VGF: variants seen among roughly 807,000 people sequenced by gnomAD.
VGF encodes VGF nerve growth factor inducible.
VGF carries 13 observed loss-of-function variants against 41.1 expected under a neutral mutation model. The observed-to-expected ratio is 0.32, with a 90% CI of 0.21 to 0.50. The LOEUF is 0.50. VGF is among the 20% of genes least tolerant of loss of function. VGF has a pLI of 0.98. For synonymous variants in VGF, 473 were observed against 418.3 expected (o/e 1.13, Z -1.60); for missense variants, 920 against 882.1 (o/e 1.04, Z -0.54).
At position 101,162,676 on chromosome 7, in the gene VGF, T is replaced by G; in HGVS notation, c.*320A>C. 2 of 474,734 alleles carry G rather than the reference T, an allele frequency of 4.2e-6. No individual in the cohort carries two copies. The highest frequency in any genetic ancestry group is 8.1e-6 in the Non-Finnish European group (2 of 247,050). 29.4% of individuals were successfully genotyped at this position (474,734 alleles called of 1,614,324 possible). On this transcript the variant is annotated 3_prime_UTR_variant, in exon 2 of 2. Coordinates refer to ENST00000249330, the MANE Select transcript of VGF (RefSeq NM_003378.4). The surrounding 1 kb of genome is among the most constrained non-coding windows in gnomAD (Gnocchi z 4.2). The stretch of plus-strand genomic sequence containing the variant: ...GACAGACACACTTCACACAATTAAC[T>G]GGAACTGCTTTTTCCGGTTTCCGAC...
In VGF at chr7:101,163,433, T is replaced by G. The variant is rs761601748; in HGVS notation, c.1411A>C (p.Ser471Arg). The change falls in exon 2 of 2, where the codon AGC (serine) becomes CGC (arginine). Residue 471 changes from serine (S) to arginine (R), a missense_variant. Physicochemically the swap from Ser to Arg is moderately radical, Grantham distance 110. Transcript: ENST00000249330. The surrounding 1 kb of genome is among the most constrained non-coding windows in gnomAD (Gnocchi z 5.0). ...TTCTCCTCCACCTCCTCGATGATGC[T>G]GACCACGTCGTCCGCTGGCAGGTGG... The part of the protein sequence containing the change: ...KLHLPADDVV[S>R]IIEEVEEKRK... 1.9e-6 allele frequency: 3 copies of G among 1,611,890 alleles called. No individual in the cohort carries two copies. Among genetic ancestry groups the G allele is most frequent in the South Asian group, 2.2e-5 (2 of 91,070 alleles).
At chr7:101,167,062 T>A (rs1712849944), upstream of VGF, among the ~76,000 whole-genome samples, 1 of 152,198 alleles carries the variant, frequency 6.6e-6, no homozygotes, top group South Asian at 2.1e-4. This position sits in a 1 kb window ranked among gnomAD's most constrained non-coding sequence, Gnocchi z 4.2. Context: ...TAGAGACTCT[T>A]TCAGAAACGG....
At chr7:101,168,019 G>GTTTT (rs1554368356), upstream of VGF, among the ~76,000 whole-genome samples, 34 of 121,394 alleles carry the variant, frequency 2.8e-4, no homozygotes, top group African/African-American at 1.0e-3. Flanking sequence ...GTTTTTTTTT[G>GTTTT]TTTTTTTTTT....
chr7:101,164,247 G>A lies in VGF; in HGVS notation c.597C>T (p.Ser199=), dbSNP rs1797175226. ...CGCGCCATACGCGCTCTGGCCCCGGGCTCTCCAGATTCACTCGGGTCAGCG... is the reference window on the plus strand; with the variant it reads ...CGCGCCATACGCGCTCTGGCCCCGGACTCTCCAGATTCACTCGGGTCAGCG... The part of the protein sequence containing the change: ...THTLTRVNLE[S]PGPERVWRAS... Residue 199 remains serine (S), a synonymous_variant, in exon 2 of 2, where the codon AGC becomes AGT. Transcript: ENST00000249330. 6.3e-7 allele frequency: 1 copy of A among 1,590,882 alleles called. No individual in the cohort carries two copies. Among genetic ancestry groups the A allele is most frequent in the African/African-American group, 1.3e-5 (1 of 74,672 alleles).
In VGF at chr7:101,163,922, G is replaced by A. The variant is rs200560795; in HGVS notation, c.922C>T (p.Arg308Trp). The A allele has an allele frequency of 1.4e-6, 2 of 1,459,982 alleles. No homozygotes were observed. Among genetic ancestry groups the A allele is most frequent in the Non-Finnish European group, 8.9e-7 (1 of 1,117,814 alleles). The allele number at this position is 1,459,982 out of a possible 1,614,324, so 90.4% of individuals were successfully genotyped here. A position where few individuals can be genotyped will look rare whatever the true frequency, so the allele number is the denominator to read the frequency against. ...QQGLAQVEAG[R>W]RQAEATRQAA... ...TGCCGCGTGGCCTCCGCCTGCCGCC[G>A]CCCGGCCTCCACCTGCGCCAGCCCT... The change falls in exon 2 of 2, where the codon CGG (arginine) becomes TGG (tryptophan). Residue 308 changes from arginine (R) to tryptophan (W), a missense_variant. Arg to Trp is a moderately radical substitution (Grantham distance 101, BLOSUM62 -3). Coordinates refer to ENST00000249330, the MANE Select transcript of VGF (RefSeq NM_003378.4). This position sits in a 1 kb window ranked among gnomAD's most constrained non-coding sequence, Gnocchi z 5.0.
upstream of VGF, among the ~76,000 whole-genome samples, chr7:101,167,653 C>T (rs1342234279): frequency 6.6e-6 from 1 of 152,146 alleles, no homozygotes; most frequent in East Asian, 1.9e-4. The surrounding 1 kb of genome is among the most constrained non-coding windows in gnomAD (Gnocchi z 4.2). Context: ...AGGGGGCTGA[C>T]TGAGTGGCTG....
chr7:101,167,655 G>GA (rs998356848), upstream of VGF, among the ~76,000 whole-genome samples: 4 of 152,202 alleles, frequency 2.6e-5, no homozygotes, highest in Admixed American at 6.5e-5. This position sits in a 1 kb window ranked among gnomAD's most constrained non-coding sequence, Gnocchi z 4.2. Context: ...GGGGCTGACT[G>GA]AGTGGCTGAT....
At position 101,165,371 on chromosome 7, in the gene VGF, T is replaced by C; in HGVS notation, c.-21+3A>G. On this transcript the variant is annotated splice_donor_region_variant and intron_variant, in intron 1 of 1. Coordinates refer to ENST00000249330, the MANE Select transcript of VGF (RefSeq NM_003378.4). ...TTTGAGGGACGAACAGCGGAGTATT[T>C]ACCAGCTGGTGTCACGACGCGAGAG... 1.0e-6 allele frequency: 1 copy of C among 985,358 alleles called. No individual in the cohort carries two copies. Among genetic ancestry groups the C allele is most frequent in the Non-Finnish European group, 1.2e-6 (1 of 829,954 alleles). The allele number at this position is 985,358 out of a possible 1,614,324, so 61.0% of individuals were successfully genotyped here. A position where few individuals can be genotyped will look rare whatever the true frequency, so the allele number is the denominator to read the frequency against.
At position 101,162,945 on chromosome 7, in the gene VGF, CCGGCGCGCGCGCGCGGCGG is replaced by C. The variant is rs768837064; in HGVS notation, c.*32_*50del. The C allele has an allele frequency of 1.7e-5, 16 of 927,612 alleles. No individual in the cohort carries two copies. Among genetic ancestry groups the C allele is most frequent in the African/African-American group, 7.1e-5 (4 of 56,560 alleles). 57.5% of individuals were successfully genotyped at this position (927,612 alleles called of 1,614,324 possible). On this transcript the variant is annotated 3_prime_UTR_variant, in exon 2 of 2. Transcript: ENST00000249330. This position sits in a 1 kb window ranked among gnomAD's most constrained non-coding sequence, Gnocchi z 4.2. Reference sequence around the variant, plus strand: ...GGAGCGGGCAACACGGAGGGGGGCGCCGGCGCGCGCGCGCGGCGGGGGCGCGCGGGGGCGGGACCGGGAA... The same window carrying C: ...GGAGCGGGCAACACGGAGGGGGGCGCGGGCGCGCGGGGGCGGGACCGGGAA...
In VGF at chr7:101,163,227, C is replaced by A. The variant is rs762725663; in HGVS notation, c.1617G>T (p.Pro539=). The A allele has an allele frequency of 6.5e-7, 1 of 1,536,066 alleles. No homozygotes were observed. The highest frequency in any genetic ancestry group is 8.7e-7 in the Non-Finnish European group (1 of 1,146,228). ...PWDREEDEVY[P]PGPYHPFPNY... ...TGGGGAAAGGGTGGTACGGCCCTGGCGGGTACACCTCGTCCTCCTCCCGAT... is the reference window on the plus strand; with the variant it reads ...TGGGGAAAGGGTGGTACGGCCCTGGAGGGTACACCTCGTCCTCCTCCCGAT... Residue 539 remains proline, a synonymous_variant, in exon 2 of 2, where the codon CCG becomes CCT. Coordinates refer to ENST00000249330, the MANE Select transcript of VGF (RefSeq NM_003378.4). The surrounding 1 kb of genome is among the most constrained non-coding windows in gnomAD (Gnocchi z 5.0).
chr7:101,168,274 G>A (rs1489716348), upstream of VGF, among the ~76,000 whole-genome samples: 1 of 152,072 alleles, frequency 6.6e-6, no homozygotes, highest in Non-Finnish European at 1.5e-5. Context: ...GGAGCGGGGT[G>A]GATATGAATG....
Position 101,162,875 on chromosome 7 carries a change from G to A in VGF, c.*121C>T. 1 of 715,100 alleles carries A rather than the reference G, an allele frequency of 1.4e-6. No individual in the cohort carries two copies. The highest frequency in any genetic ancestry group is 2.4e-6 in the Non-Finnish European group (1 of 415,354). 44.3% of individuals were successfully genotyped at this position (715,100 alleles called of 1,614,324 possible). On this transcript the variant is annotated 3_prime_UTR_variant, in exon 2 of 2. Coordinates refer to ENST00000249330, the MANE Select transcript of VGF (RefSeq NM_003378.4). This position sits in a 1 kb window ranked among gnomAD's most constrained non-coding sequence, Gnocchi z 4.2. Reference sequence around the variant, plus strand: ...GGTCCCGACGCAGCCCGGGGACAGGGGCAGGGCCAAGGGGCAGGGCCGGGG... The same window carrying A: ...GGTCCCGACGCAGCCCGGGGACAGGAGCAGGGCCAAGGGGCAGGGCCGGGG...
Position 101,164,720 on chromosome 7 carries a change from G to T in VGF, c.124C>A (p.Pro42Thr). The change falls in exon 2 of 2, where the codon CCG (proline) becomes ACG (threonine). Residue 42 changes from proline to threonine, a missense_variant. This residue lies in a region of VGF where 654 missense variants were observed against 638.4 expected (regional missense o/e 1.02). Coordinates refer to ENST00000249330, the MANE Select transcript of VGF (RefSeq NM_003378.4). The stretch of plus-strand genomic sequence containing the variant: ...CCGGGCACTGCGTCCCCGGCTACCG[G>T]CTCTTTATGCTCAGAGCTGAGAGGA... ...PPPLSSEHKE[P>T]VAGDAVPGPK... The T allele has an allele frequency of 6.2e-7, 1 of 1,610,444 alleles. No individual in the cohort carries two copies.
At position 101,163,551 on chromosome 7, in the gene VGF, C is replaced by T. The variant is rs758155439; in HGVS notation, c.1293G>A (p.Glu431=). 2 of 1,598,062 alleles carry T rather than the reference C, an allele frequency of 1.3e-6. No homozygotes were observed. The highest frequency in any genetic ancestry group is 1.7e-6 in the Non-Finnish European group (2 of 1,172,364). ...CCCCGCCCTCCTCTGTCCCCTCGGC[C>T]TCCTTCCGCCGGTGGCCCGGCGTCT... ...QEETPGHRRK[E]AEGTEEGGEE... The change falls in exon 2 of 2, where the codon GAG becomes GAA. Residue 431 remains glutamate, a synonymous_variant. Transcript: ENST00000249330. This position sits in a 1 kb window ranked among gnomAD's most constrained non-coding sequence, Gnocchi z 5.0.
At chr7:101,166,691 T>G (rs1241472028), upstream of VGF, among the ~76,000 whole-genome samples, 20 of 104,058 alleles carry the variant, frequency 1.9e-4, no homozygotes, top group South Asian at 7.3e-4. Context: ...GTTCCGGGGG[T>G]GGGGGGCGAT....
Position 101,163,680 on chromosome 7 carries a change from C to G in VGF, c.1164G>C (p.Ala388=). 6.5e-7 allele frequency: 1 copy of G among 1,537,438 alleles called. No individual in the cohort carries two copies. Among genetic ancestry groups the G allele is most frequent in the Non-Finnish European group, 8.7e-7 (1 of 1,147,008 alleles). ...TCTCCGCCTCCTCCGCCTCTGCCTC[C>G]GCCTCGGCCGCCTCCTCATCCTCTT... The part of the protein sequence containing the change: ...VGEEDEEAAE[A]EAEAEEAERA... Residue 388 remains alanine, a synonymous_variant, in exon 2 of 2, where the codon GCG becomes GCC. Transcript: ENST00000249330. The surrounding 1 kb of genome is among the most constrained non-coding windows in gnomAD (Gnocchi z 5.0).
rs1797126957 is a variant in VGF, at chr7:101,162,761, C to G, written c.*235G>C. 2 of 629,148 alleles carry G rather than the reference C, an allele frequency of 3.2e-6. No homozygotes were observed. Among genetic ancestry groups the G allele is most frequent in the Non-Finnish European group, 5.9e-6 (2 of 338,800 alleles). 39.0% of individuals were successfully genotyped at this position (629,148 alleles called of 1,614,324 possible). A position where few individuals can be genotyped will look rare whatever the true frequency, so the allele number is the denominator to read the frequency against. ...GCCCCGCGTGGCAAGGGAACTCGCA[C>G]AAACCACCCGCCCTCCTGGGCTGGC... On this transcript the variant is annotated 3_prime_UTR_variant, in exon 2 of 2. Transcript: ENST00000249330. This position sits in a 1 kb window ranked among gnomAD's most constrained non-coding sequence, Gnocchi z 4.2.
intron 1 of VGF, 34 bp downstream of exon 1, chr7:101,165,340 C>T: frequency 6.1e-6 from 6 of 985,708 alleles, no homozygotes; most frequent in Non-Finnish European, 7.2e-6. Flanking sequence ...GGCTGGCTGC[C>T]GAGGGTTTGA....
chr7:101,164,394 G>A lies in VGF; in HGVS notation c.450C>T (p.Ser150=), dbSNP rs773777980. 3 of 1,611,020 alleles carry A rather than the reference G, an allele frequency of 1.9e-6. No individual in the cohort carries two copies. Among genetic ancestry groups the A allele is most frequent in the South Asian group, 2.2e-5 (2 of 91,068 alleles). Residue 150 remains serine, a synonymous_variant, in exon 2 of 2, where the codon AGC becomes AGT. Transcript: ENST00000249330. The part of the protein sequence containing the change: ...PQTPENGPEA[S]DPSEELEALA... ...GCGCCTCGAGCTCCTCGGAGGGATC[G>A]CTCGCCTCGGGCCCATTCTCCGGAG...
Sources: gnomAD v4.1 joint callset for allele counts (sites outside exome capture counted in the v4.1 genomes callset) on GRCh38, gnomAD v4.1.1 for gene constraint, gnomAD v4.1.1 regional missense constraint, Gnocchi (gnomAD v3.1) non-coding constraint, MANE v1.5 for transcripts, NCBI Gene and HGNC (gene_info 2026-07-23, HGNC 2026-07-21) for gene names.